The following ADAMTS19 variants were observed in gnomAD, a reference collection of about 807,000 sequenced individuals.
The protein encoded by ADAMTS19 is ADAM metallopeptidase with thrombospondin type 1 motif 19, also known as A disintegrin and metalloproteinase with thrombospondin motifs 19.
In ADAMTS19, 93 loss-of-function variants were observed where a neutral mutation model predicts 153.3. That is an observed-to-expected ratio of 0.61 (90% confidence interval 0.51 to 0.72). The LOEUF (loss-of-function observed/expected upper bound fraction) is 0.72. ADAMTS19 is among the 30% of genes least tolerant of loss of function. ADAMTS19 has a pLI of 0.00. For synonymous variants in ADAMTS19, 600 were observed against 556.6 expected, an observed-to-expected ratio of 1.08 and a Z score of -1.10; for missense variants, 1,482 against 1,552.1, an observed-to-expected ratio of 0.95 and a Z score of 0.76.
chr5:129,710,541 GATACCATCT>G (rs1756400150), intron 21 of ADAMTS19, among the ~76,000 whole-genome samples: 1 of 152,160 alleles, frequency 6.6e-6, no homozygotes, highest in Non-Finnish European at 1.5e-5. Context: ...ACCCCAGTGT[GATACCATCT>G]CACACCAGTC....
intron 13 of ADAMTS19, among the ~76,000 whole-genome samples, chr5:129,650,217 G>T (rs1225646604): frequency 6.6e-6 from 1 of 152,100 alleles, no homozygotes; most frequent in East Asian, 1.9e-4. Flanking sequence ...GTGGGCTGTG[G>T]GTGTGGGCTG....
At chr5:129,583,540 G>A (rs1341914858) in intron 7 of ADAMTS19, among the ~76,000 whole-genome samples, 1 of 151,986 alleles carries the variant, frequency 6.6e-6, no homozygotes, top group Non-Finnish European at 1.5e-5. Flanking sequence ...GTCACTTTCA[G>A]GTACACCAAT....
chr5:129,548,690 G>T (rs1189713139), intron 6 of ADAMTS19, among the ~76,000 whole-genome samples: 1 of 151,920 alleles, frequency 6.6e-6, no homozygotes, highest in African/African-American at 2.4e-5. Flanking sequence ...ATACCCAAAA[G>T]ATTATAAATC....
rs370100909 is a variant in ADAMTS19 at position 129,654,432 on chromosome 5, A to G, written c.2303A>G (p.Gln768Arg). Residue 768 changes from glutamine to arginine, a missense_variant and splice_region_variant, in exon 14 of 23, where the codon CAG (glutamine) becomes CGG (arginine). This residue lies in a region of ADAMTS19 where 616 missense variants were observed against 724.4 expected (regional missense o/e 0.85). Coordinates refer to ENST00000274487, the MANE Select transcript of ADAMTS19 (RefSeq NM_133638.6). ...GLDICANGRC[Q>R]KVGCDGLLGS... Reference sequence around the variant, plus strand: ...GATATCTGTGCAAATGGCAGGTGCCAGGTAAGACATTCCAAAAAAAAAAAG... The same window carrying G: ...GATATCTGTGCAAATGGCAGGTGCCGGGTAAGACATTCCAAAAAAAAAAAG... The G allele has an allele frequency of 5.0e-5, 80 of 1,600,532 alleles. No individual in the cohort carries two copies. The highest frequency in any genetic ancestry group is 3.3e-4 in the Middle Eastern group (2 of 6,064).
intron 7 of ADAMTS19, among the ~76,000 whole-genome samples, chr5:129,582,238 T>C (rs1009517543): frequency 2.0e-5 from 3 of 150,688 alleles, no homozygotes; most frequent in Non-Finnish European, 4.4e-5. Context: ...CTAAGACTCT[T>C]TGTAAGTCTC....
intron 2 of ADAMTS19, among the ~76,000 whole-genome samples, chr5:129,502,522 C>G (rs1367990211): frequency 6.6e-6 from 1 of 152,144 alleles, no homozygotes. Flanking sequence ...TTCTAACTTT[C>G]CTTCTATCAT....
At chr5:129,605,371 GA>G (rs749677690) in intron 8 of ADAMTS19, among the ~76,000 whole-genome samples, 10 of 152,050 alleles carry the variant, frequency 6.6e-5, no homozygotes, top group Non-Finnish European at 1.0e-4. Context: ...CCTCTTTGTT[GA>G]AACTCAAACA....
At chr5:129,503,163 T>C (rs1751157974) in intron 2 of ADAMTS19, among the ~76,000 whole-genome samples, 2 of 152,216 alleles carry the variant, frequency 1.3e-5, no homozygotes, top group African/African-American at 4.8e-5. Flanking sequence ...AAAGTAAAAC[T>C]GGAGAGGCAG....
chr5:129,470,734 C>A (rs1561529149), intron 2 of ADAMTS19, among the ~76,000 whole-genome samples: 1 of 152,134 alleles, frequency 6.6e-6, no homozygotes, highest in Non-Finnish European at 1.5e-5. Flanking sequence ...CCTATATCTG[C>A]AATAAATTAT....
At chr5:129,568,522 A>G (rs1753792149) in intron 7 of ADAMTS19, among the ~76,000 whole-genome samples, 1 of 152,162 alleles carries the variant, frequency 6.6e-6, no homozygotes, top group Non-Finnish European at 1.5e-5. Flanking sequence ...GGATGAAATT[A>G]AAAACACAAT....
chr5:129,663,433 G>C (rs1165214589), intron 15 of ADAMTS19, among the ~76,000 whole-genome samples: 1 of 152,108 alleles, frequency 6.6e-6, no homozygotes, highest in Non-Finnish European at 1.5e-5. Flanking sequence ...CATTTTGTTA[G>C]ATACAAATTG....
chr5:129,720,546 T>C (rs975861486), intron 21 of ADAMTS19, among the ~76,000 whole-genome samples: 1 of 152,178 alleles, frequency 6.6e-6, no homozygotes, highest in African/African-American at 2.4e-5. Context: ...ATTACAAGAC[T>C]CAGTGTCACA....
chr5:129,475,939 A>C (rs1001056894), intron 2 of ADAMTS19, among the ~76,000 whole-genome samples: 7 of 152,246 alleles, frequency 4.6e-5, no homozygotes, highest in African/African-American at 1.4e-4. Context: ...CTTTGATAGG[A>C]GGGTTTAAGC....
At chr5:129,540,014 T>G (rs1233133591) in intron 6 of ADAMTS19, among the ~76,000 whole-genome samples, 1 of 152,088 alleles carries the variant, frequency 6.6e-6, no homozygotes, top group Non-Finnish European at 1.5e-5. Context: ...AATATCCCTT[T>G]CTAGTTAGGG....
At chr5:129,715,078 T>A (rs1756665235) in intron 21 of ADAMTS19, among the ~76,000 whole-genome samples, 1 of 152,228 alleles carries the variant, frequency 6.6e-6, no homozygotes, top group Non-Finnish European at 1.5e-5. Flanking sequence ...ACAAAGGTTA[T>A]CATAGGTTTG....
At chr5:129,467,682 G>T (rs758474537) in intron 2 of ADAMTS19, among the ~76,000 whole-genome samples, 78 of 152,116 alleles carry the variant, frequency 5.1e-4, no homozygotes, top group Non-Finnish European at 8.1e-4. Flanking sequence ...TAAAATCCTG[G>T]ATTATATGGT....
At chr5:129,692,873 C>T (rs1340261606) in intron 18 of ADAMTS19, among the ~76,000 whole-genome samples, 2 of 152,262 alleles carry the variant, frequency 1.3e-5, no homozygotes. Flanking sequence ...GGAGGCACAC[C>T]TCATTCCACT....
chr5:129,533,981 TC>T (rs1466817311), intron 6 of ADAMTS19, among the ~76,000 whole-genome samples: 1 of 152,152 alleles, frequency 6.6e-6, no homozygotes, highest in Non-Finnish European at 1.5e-5. Context: ...TAATTTCTGT[TC>T]TTTTATATTT....
At chr5:129,542,377 G>T (rs186902704) in intron 6 of ADAMTS19, among the ~76,000 whole-genome samples, 19 of 152,286 alleles carry the variant, frequency 1.2e-4, no homozygotes, top group African/African-American at 4.3e-4. Context: ...AATAGAAGGT[G>T]ATTTCCCAGT....
Sources: gnomAD v4.1 joint callset for allele counts (sites outside exome capture counted in the v4.1 genomes callset) on GRCh38, gnomAD v4.1.1 for gene constraint, gnomAD v4.1.1 regional missense constraint, MANE v1.5 for transcripts, NCBI Gene and HGNC (gene_info 2026-07-23, HGNC 2026-07-21) for gene names.